PTPRG: variants seen among roughly 807,000 people sequenced by gnomAD.
The protein encoded by PTPRG is receptor-type tyrosine-protein phosphatase gamma.
PTPRG carries 102 observed loss-of-function variants against 165.3 expected under a neutral mutation model. The ratio of observed to expected loss-of-function variants is 0.62; its 90% CI spans 0.53 to 0.73. The LOEUF is 0.73. Ranked by LOEUF, PTPRG falls within the 30% of genes least tolerant of loss-of-function variation. The probability of loss-of-function intolerance (pLI) is 0.00; values close to 1 mark genes in which losing one functional copy is unlikely to be tolerated. For missense variants in PTPRG, 1,866 were observed against 1,861.4 expected (o/e 1.00, Z -0.05); for synonymous variants, 675 against 669.5 (o/e 1.01, Z -0.13).
At chr3:61,784,504 C>G (rs2034638246) in intron 2 of PTPRG, among the ~76,000 whole-genome samples, 1 of 152,014 alleles carries the variant, frequency 6.6e-6, no homozygotes, top group Admixed American at 6.6e-5. Context: ...TGAGTACGGA[C>G]TGTGGTTGAG....
intron 16 of PTPRG, among the ~76,000 whole-genome samples, chr3:62,260,407 A>G (rs1239257146): frequency 1.3e-5 from 2 of 152,170 alleles, no homozygotes; most frequent in Non-Finnish European, 2.9e-5. Context: ...CAATGACTGT[A>G]GGTAGGAAGT....
At chr3:62,106,039 T>G (rs1203724445) in intron 5 of PTPRG, among the ~76,000 whole-genome samples, 1 of 152,230 alleles carries the variant, frequency 6.6e-6, no homozygotes, top group Non-Finnish European at 1.5e-5. Flanking sequence ...TAACTGATCT[T>G]TATAGTCATC....
At chr3:61,738,851 G>T (rs1425404658) in intron 1 of PTPRG, among the ~76,000 whole-genome samples, 2 of 151,892 alleles carry the variant, frequency 1.3e-5, no homozygotes, top group South Asian at 4.2e-4. Flanking sequence ...CACGGCTCAT[G>T]GCAACCTCAG....
intron 2 of PTPRG, among the ~76,000 whole-genome samples, chr3:61,936,712 G>C (rs1196064095): frequency 6.6e-6 from 1 of 152,148 alleles, no homozygotes. Flanking sequence ...AACACTGTGA[G>C]GGCTTTAGGT....
intron 2 of PTPRG, among the ~76,000 whole-genome samples, chr3:61,870,951 A>G (rs796693067): frequency 7.2e-5 from 11 of 152,220 alleles, no homozygotes; most frequent in African/African-American, 2.7e-4. Context: ...TTACTTACAG[A>G]TGAATATTCG....
At chr3:61,621,772 A>C (rs1701463568) in intron 1 of PTPRG, among the ~76,000 whole-genome samples, 1 of 152,184 alleles carries the variant, frequency 6.6e-6, no homozygotes, top group African/African-American at 2.4e-5. Flanking sequence ...CCCTTCATCC[A>C]AACTATGCTG....
chr3:62,191,656 A>T lies in PTPRG; in HGVS notation c.1218+3A>T. 2.5e-6 allele frequency: 4 copies of T among 1,613,562 alleles called. No homozygotes were observed. The highest frequency in any genetic ancestry group is 3.4e-6 in the Non-Finnish European group (4 of 1,179,548). On this transcript the variant is annotated splice_donor_region_variant and intron_variant, in intron 9 of 29. Transcript: ENST00000474889. ...CAAAGGACAGCGACAAAGACTTGGT[A>T]TGAAGCCCCTCCTCTGATTCAGGGT...
chr3:62,145,563 T>C lies in PTPRG; in HGVS notation c.683-11504T>C, dbSNP rs151169010. 2.5e-4 allele frequency among the ~76,000 whole-genome samples: 38 copies of C among 151,236 alleles called. No individual in the cohort carries two copies. In the East Asian group the frequency reaches 6.2e-3, roughly 25 times the overall value. On this transcript the variant is annotated intron_variant, in intron 6 of 29. Transcript: ENST00000474889. The stretch of plus-strand genomic sequence containing the variant: ...AAGATGATGATGATGATGATGATGA[T>C]GACGAAGATGATTTGGGTAGCCAGT...
chr3:61,744,549 A>T (rs1389262523), intron 1 of PTPRG, among the ~76,000 whole-genome samples: 1 of 152,206 alleles, frequency 6.6e-6, no homozygotes, highest in Non-Finnish European at 1.5e-5. Flanking sequence ...ACAGTAAAAA[A>T]TACTTTATTA....
At chr3:62,127,174 G>C (rs1452162408) in intron 5 of PTPRG, among the ~76,000 whole-genome samples, 2 of 152,234 alleles carry the variant, frequency 1.3e-5, no homozygotes, top group African/African-American at 2.4e-5. Context: ...AAGCCAGGCA[G>C]TGATCTCTTT....
At chr3:62,017,645 C>CG (rs1223049236) in intron 4 of PTPRG, among the ~76,000 whole-genome samples, 1 of 149,786 alleles carries the variant, frequency 6.7e-6, no homozygotes, top group Non-Finnish European at 1.5e-5. Context: ...AGGATGGTCT[C>CG]GATCTCCTGA....
intron 6 of PTPRG, among the ~76,000 whole-genome samples, chr3:62,141,895 TCTCAAAAAAAAAGAAGA>T (rs1576055672): frequency 1.3e-5 from 2 of 151,482 alleles, no homozygotes; most frequent in East Asian, 1.9e-4. Flanking sequence ...GGCAAAACTG[TCTCAAAAAAAAAGAAGA>T]CATGTGGGCA....
intron 1 of PTPRG, among the ~76,000 whole-genome samples, chr3:61,584,052 G>A (rs1328024373): frequency 6.6e-6 from 1 of 152,124 alleles, no homozygotes; most frequent in Non-Finnish European, 1.5e-5. Flanking sequence ...GGTTTTTCGA[G>A]TTCATTCATT....
chr3:61,762,552 A>G (rs1300890264), intron 2 of PTPRG, among the ~76,000 whole-genome samples: 1 of 152,122 alleles, frequency 6.6e-6, no homozygotes, highest in Non-Finnish European at 1.5e-5. Context: ...TGGAGGTTGA[A>G]GTGAGCCGAG....
In PTPRG at chr3:62,264,654, C is replaced by T. The variant is rs545302160; in HGVS notation, c.2656+1760C>T. Among the ~76,000 whole-genome samples the T allele has an allele frequency of 5.3e-5, 8 of 152,292 alleles. No homozygotes were observed. In the East Asian group the frequency reaches 1.2e-3, roughly 22 times the overall value. ...TTCCTTTTTATGGCTGAATAATACT[C>T]TAATGTGTGGATATACAGCATTTTG... On this transcript the variant is annotated intron_variant, in intron 17 of 29. Coordinates refer to ENST00000474889, the MANE Select transcript of PTPRG (RefSeq NM_002841.4).
chr3:62,048,445 C>T (rs146181883), intron 4 of PTPRG, among the ~76,000 whole-genome samples: 1 of 152,246 alleles, frequency 6.6e-6, no homozygotes, highest in East Asian at 1.9e-4. Flanking sequence ...TAAGTATAGA[C>T]AAAATGGATA....
At chr3:61,927,459 C>T (rs2039248609) in intron 2 of PTPRG, among the ~76,000 whole-genome samples, 1 of 152,182 alleles carries the variant, frequency 6.6e-6, no homozygotes, top group African/African-American at 2.4e-5. Context: ...AGTTGGGCAG[C>T]TCTCCCACTT....
rs72298352 is a variant in PTPRG, at chr3:61,921,117, C to CTCCTTCCTTCCTTCCT, written c.191-68477_191-68462dup. ...CTTCCATCCATCTCCTTCCATCCAT[C>CTCCTTCCTTCCTTCCT]TCCTTCCTTCCTTCCTTCCTTCCTT... is the stretch of plus-strand genomic sequence containing the variant. On this transcript the variant is annotated intron_variant, in intron 2 of 29. Coordinates refer to ENST00000474889, the MANE Select transcript of PTPRG (RefSeq NM_002841.4). Among the ~76,000 whole-genome samples, 346 of 148,618 alleles carry CTCCTTCCTTCCTTCCT rather than the reference C, an allele frequency of 2.3e-3. 1 individual carries two copies. Among genetic ancestry groups the CTCCTTCCTTCCTTCCT allele is most frequent in the African/African-American group, 7.0e-3 (281 of 39,880 alleles).
chr3:61,984,167 C>G (rs368807536), intron 2 of PTPRG, among the ~76,000 whole-genome samples: 15 of 152,248 alleles, frequency 9.9e-5, no homozygotes, highest in African/African-American at 3.6e-4. Flanking sequence ...ATTGTAACAT[C>G]TCAAAATGAG....
Sources: gnomAD v4.1 joint callset for allele counts (sites outside exome capture counted in the v4.1 genomes callset) on GRCh38, gnomAD v4.1.1 for gene constraint, MANE v1.5 for transcripts, NCBI Gene and HGNC (gene_info 2026-07-23, HGNC 2026-07-21) for gene names.